The following NIBAN3 variants were observed in gnomAD, a reference collection of about 807,000 sequenced individuals.
The protein encoded by NIBAN3 is protein Niban 3.
NIBAN3 carries 66 observed loss-of-function variants against 76.4 expected under a neutral mutation model. That is an observed-to-expected ratio of 0.86 (90% confidence interval 0.71 to 1.06). NIBAN3 has a LOEUF of 1.06. Among genes scored for constraint, NIBAN3 ranks in the 50% least tolerant of loss-of-function variants. The pLI, the probability that NIBAN3 is intolerant of heterozygous loss-of-function variation, is 0.00. For synonymous variants in NIBAN3, 360 were observed against 355.2 expected (o/e 1.01, Z -0.15); for missense variants, 808 against 810.7 (o/e 1.00, Z 0.04).
Position 17,549,493 on chromosome 19 carries a change from C to A in NIBAN3, c.1716C>A (p.Gly572=). 4 of 1,613,914 alleles carry A rather than the reference C, an allele frequency of 2.5e-6. No homozygotes were observed. The highest frequency in any genetic ancestry group is 3.4e-6 in the Non-Finnish European group (4 of 1,179,862). The change falls in exon 14 of 15, where the codon GGC becomes GGA. Residue 572 remains glycine, a synonymous_variant. Coordinates refer to ENST00000599164, the MANE Select transcript of NIBAN3 (RefSeq NM_001321827.2). ...ATGATGTATCCTGCACTCTGGACGGCTGCTTGGAGGTCCCATGGGAACAGG... is the reference window on the plus strand; with the variant it reads ...ATGATGTATCCTGCACTCTGGACGGATGCTTGGAGGTCCCATGGGAACAGG... ...GANDVSCTLD[G]CLEVPWEQEG...
chr19:17,543,692 G>A (rs1324953238), intron 12 of NIBAN3, 61 bp downstream of exon 12: 8 of 1,405,810 alleles, frequency 5.7e-6, no homozygotes, highest in East Asian at 4.7e-5. Context: ...CACTTAAAGT[G>A]GGCAAGAATG....
Position 17,553,304 on chromosome 19 carries a change from G to C in NIBAN3, c.*1406G>C. 6.2e-7 allele frequency: 1 copy of C among 1,611,580 alleles called. No individual in the cohort carries two copies. The highest frequency in any genetic ancestry group is 8.5e-7 in the Non-Finnish European group (1 of 1,178,334). ...CGCTTGCTGTGAGCCTTTTGGGTTT[G>C]TTTCCTAGCTCCAAATCTTAACTTG... On this transcript the variant is annotated 3_prime_UTR_variant, in exon 15 of 15. Coordinates refer to ENST00000599164, the MANE Select transcript of NIBAN3 (RefSeq NM_001321827.2).
intron 1 of NIBAN3, among the ~76,000 whole-genome samples, chr19:17,530,210 A>G (rs1270536503): frequency 6.6e-6 from 1 of 151,502 alleles, no homozygotes; most frequent in Non-Finnish European, 1.5e-5. Flanking sequence ...AGTCCCAGCT[A>G]CTTGGGAGGC....
upstream of NIBAN3, chr19:17,523,508 G>A (rs1490139117): frequency 3.3e-6 from 5 of 1,506,804 alleles, no homozygotes; most frequent in Non-Finnish European, 4.5e-6. Context: ...TGTGGGGCTG[G>A]TTGAGGGCAG....
downstream of NIBAN3, among the ~76,000 whole-genome samples, chr19:17,554,790 A>AAG (rs1555767009): frequency 5.1e-5 from 4 of 77,908 alleles, no homozygotes; most frequent in East Asian, 2.6e-4. Context: ...AAAAAAAAAA[A>AAG]AAAAGAAAAT....
intron 2 of NIBAN3, among the ~76,000 whole-genome samples, chr19:17,531,100 G>C (rs930496953): frequency 6.6e-6 from 1 of 152,030 alleles, no homozygotes; most frequent in South Asian, 2.1e-4. Flanking sequence ...GATCACCAGA[G>C]GTCAAGAGTT....
intron 14 of NIBAN3, 90 bp downstream of exon 14, chr19:17,549,617 AGT>A (rs747623270): frequency 1.4e-4 from 148 of 1,042,356 alleles, no homozygotes; most frequent in Non-Finnish European, 2.1e-4. Context: ...GATTGTCATG[AGT>A]GTGGGTTCAT....
chr19:17,528,073 G>GTTT (rs368705922), intron 1 of NIBAN3, among the ~76,000 whole-genome samples: 16 of 148,022 alleles, frequency 1.1e-4, no homozygotes, highest in Admixed American at 5.4e-4. Context: ...CCCCTTTATG[G>GTTT]TTTTTTTTTT....
rs545073109 is a variant in NIBAN3 at position 17,527,419 on chromosome 19, G to A, written c.55+24G>A. The stretch of plus-strand genomic sequence containing the variant: ...GGGTGAGCAGCCGGGGAGGGGACAG[G>A]GTGGGAGTCCAGGTGGGTGGGGGCT... On this transcript the variant is annotated intron_variant, in intron 1 of 14. Coordinates refer to ENST00000599164, the MANE Select transcript of NIBAN3 (RefSeq NM_001321827.2). 2.9e-5 allele frequency: 44 copies of A among 1,496,416 alleles called. No individual in the cohort carries two copies. The South Asian group carries it at 4.9e-4, about 17-fold the overall frequency. 92.7% of individuals were successfully genotyped at this position (1,496,416 alleles called of 1,614,324 possible).
chr19:17,548,031 G>A (rs565397141), intron 13 of NIBAN3, among the ~76,000 whole-genome samples: 1 of 152,216 alleles, frequency 6.6e-6, no homozygotes, highest in Admixed American at 6.5e-5. Context: ...TTTTCTCTGG[G>A]CTGGCATTGA....
chr19:17,543,479 G>C (rs555880628), intron 11 of NIBAN3, 45 bp from the exon 12 acceptor site: 1 of 1,611,588 alleles, frequency 6.2e-7, no homozygotes, highest in Admixed American at 1.7e-5. Flanking sequence ...AGTGGGCCTG[G>C]GTGCTCAGAT....
chr19:17,551,533 G>T (rs769711296), intron 14 of NIBAN3, among the ~76,000 whole-genome samples: 1 of 149,356 alleles, frequency 6.7e-6, no homozygotes, highest in Non-Finnish European at 1.5e-5. Context: ...TCAGCCTCCC[G>T]AGTAGCTGGG....
At chr19:17,549,755 T>C in intron 14 of NIBAN3, 2 of 610,352 alleles carry the variant, frequency 3.3e-6, no homozygotes, top group Non-Finnish European at 3.0e-6. Flanking sequence ...GGCTCTGACA[T>C]GCATGTGAGC....
rs10690901 is a variant in NIBAN3, at chr19:17,550,843, C to CTTTTTTTT, written c.1751-927_1751-920dup. Among the ~76,000 whole-genome samples, 16 of 91,548 alleles carry CTTTTTTTT rather than the reference C, an allele frequency of 1.7e-4. 1 individual carries two copies. The highest frequency in any genetic ancestry group is 5.0e-4 in the Admixed American group (3 of 6,028). 60.1% of individuals were successfully genotyped at this position (91,548 alleles called of 152,430 possible). On this transcript the variant is annotated intron_variant, in intron 14 of 14. Coordinates refer to ENST00000599164, the MANE Select transcript of NIBAN3 (RefSeq NM_001321827.2). ...GCCACAGGGATTAATCTTGTACATA[C>CTTTTTTTT]TTTTTTTTTTTTTTTTTTTTTTTCA...
upstream of NIBAN3, chr19:17,527,145 A>G: frequency 1.4e-6 from 2 of 1,443,416 alleles, no homozygotes; most frequent in Non-Finnish European, 1.9e-6. Context: ...CAGCCTCTAC[A>G]GAAACCACTG....
At chr19:17,549,838 T>TC (rs2076126315) in intron 14 of NIBAN3, 1 of 551,494 alleles carries the variant, frequency 1.8e-6, no homozygotes, top group Non-Finnish European at 3.2e-6. Flanking sequence ...TTTTTTTTTT[T>TC]TTGAGACAGA....
chr19:17,553,586 A>G lies in NIBAN3; in HGVS notation c.*1688A>G, dbSNP rs1319489611. On this transcript the variant is annotated 3_prime_UTR_variant, in exon 15 of 15. Coordinates refer to ENST00000599164, the MANE Select transcript of NIBAN3 (RefSeq NM_001321827.2). ...TGAGATATTCCTGACCTTTCCACCT[A>G]TTTCCCTCCAACCCCACCTTCCGAA... The G allele has an allele frequency of 1.9e-6, 3 of 1,597,318 alleles. No individual in the cohort carries two copies. Among genetic ancestry groups the G allele is most frequent in the Non-Finnish European group, 2.6e-6 (3 of 1,165,276 alleles).
intron 9 of NIBAN3, 142 bp downstream of exon 9, chr19:17,540,724 C>A: frequency 1.7e-6 from 1 of 589,586 alleles, no homozygotes; most frequent in Non-Finnish European, 2.6e-6. Context: ...GTCAGTGGAG[C>A]ACAGTTTTTG....
intron 3 of NIBAN3, among the ~76,000 whole-genome samples, chr19:17,532,953 G>A (rs2075756768): frequency 6.6e-6 from 1 of 151,868 alleles, no homozygotes; most frequent in Non-Finnish European, 1.5e-5. Flanking sequence ...GAGGTAGGAT[G>A]GATGGAGGGA....
Sources: allele counts gnomAD v4.1 joint callset (sites outside exome capture counted in the v4.1 genomes callset), GRCh38; gene constraint gnomAD v4.1.1; transcripts MANE v1.5; gene names NCBI Gene and HGNC (gene_info 2026-07-23, HGNC 2026-07-21).